The following NRXN1 variants were observed in gnomAD, a reference collection of about 807,000 sequenced individuals.
NRXN1 encodes neurexin 1.
NRXN1 carries 39 observed loss-of-function variants against 150.9 expected under a neutral mutation model. The observed-to-expected ratio is 0.26, with a 90% CI of 0.20 to 0.34. The LOEUF is 0.34. Among genes scored for constraint, NRXN1 ranks in the 10% least tolerant of loss-of-function variants. The pLI is 1.00. For synonymous variants in NRXN1, 924 were observed against 757.0 expected, an observed-to-expected ratio of 1.22 and a Z score of -3.62; for missense variants, 1,815 against 1,949.9, an observed-to-expected ratio of 0.93 and a Z score of 1.30.
chr2:50,192,861 C>T (rs1164707948), intron 18 of NRXN1, among the ~76,000 whole-genome samples: 3 of 152,152 alleles, frequency 2.0e-5, no homozygotes, highest in Non-Finnish European at 2.9e-5. Context: ...CCGCTCCCAT[C>T]GGCAGGCTGG....
chr2:50,600,945 T>TAA (rs1553867702), intron 8 of NRXN1, among the ~76,000 whole-genome samples: 1 of 150,190 alleles, frequency 6.7e-6, no homozygotes, highest in Admixed American at 6.6e-5. Flanking sequence ...ATTTGTGAAT[T>TAA]AAAAAAAAAT....
chr2:49,946,982 C>A (rs1426660479), intron 21 of NRXN1, among the ~76,000 whole-genome samples: 2 of 152,080 alleles, frequency 1.3e-5, no homozygotes, highest in African/African-American at 4.8e-5. Flanking sequence ...GCTTTAAAAG[C>A]AAAGACCCAT....
intron 5 of NRXN1, among the ~76,000 whole-genome samples, chr2:50,672,090 C>T (rs1225893658): frequency 6.6e-6 from 1 of 151,828 alleles, no homozygotes; most frequent in South Asian, 2.1e-4. Context: ...TTAACGATTG[C>T]TAAATTGATT....
Position 50,623,324 on chromosome 2 carries a change from T to C in NRXN1, c.1124A>G (p.Asn375Ser), listed in dbSNP as rs1488145558. 1 of 1,612,284 alleles carries C rather than the reference T, an allele frequency of 6.2e-7. No homozygotes were observed. Among genetic ancestry groups the C allele is most frequent in the Non-Finnish European group, 8.5e-7 (1 of 1,178,770 alleles). ...NAWHDVKVTR[N>S]LRQHSGIGHA... ...CCACTGCGCTGTTACCTGACGCAGA[T>C]TCCTGGTGACTTTCACATCATGCCA... is the stretch of plus-strand genomic sequence containing the variant. Residue 375 changes from asparagine (N) to serine (S), a missense_variant, in exon 6 of 23, where the codon AAT becomes AGT. Around this residue, in one of 6 missense-constraint regions of NRXN1, gnomAD observed 14 missense variants for 48.4 expected, o/e 0.29. Coordinates refer to ENST00000401669, the MANE Select transcript of NRXN1 (RefSeq NM_001330078.2).
intron 17 of NRXN1, among the ~76,000 whole-genome samples, chr2:50,360,024 G>A (rs2079078879): frequency 6.6e-6 from 1 of 152,144 alleles, no homozygotes; most frequent in East Asian, 1.9e-4. Flanking sequence ...ATAAGTGAAG[G>A]AGAAATAAAA....
Position 50,346,441 on chromosome 2 carries a change from C to G in NRXN1, c.3365-109471G>C, listed in dbSNP as rs1053727814. On this transcript the variant is annotated intron_variant, in intron 17 of 22. Transcript: ENST00000401669. The surrounding 1 kb of genome is among the most constrained non-coding windows in gnomAD (Gnocchi z 5.0). ...CCAGGGCTGGTCCTTTAGTAGGTGTCCACATCTCTCTCCCAGTACCTCGAC... is the reference window on the plus strand; with the variant it reads ...CCAGGGCTGGTCCTTTAGTAGGTGTGCACATCTCTCTCCCAGTACCTCGAC... Among the ~76,000 whole-genome samples the G allele has an allele frequency of 1.3e-5, 2 of 152,066 alleles. No homozygotes were observed. The highest frequency in any genetic ancestry group is 6.5e-5 in the Admixed American group (1 of 15,280).
At chr2:49,937,353 T>C (rs1017746637) in intron 22 of NRXN1, among the ~76,000 whole-genome samples, 7 of 152,184 alleles carry the variant, frequency 4.6e-5, no homozygotes, top group African/African-American at 1.4e-4. Flanking sequence ...ACCTCTCCTA[T>C]TGCAATAGCC....
intron 22 of NRXN1, among the ~76,000 whole-genome samples, chr2:49,941,843 A>G (rs1009905053): frequency 2.0e-5 from 3 of 152,156 alleles, no homozygotes; most frequent in African/African-American, 7.2e-5. Context: ...AGAGAAGATG[A>G]GATAGAAAAA....
intron 8 of NRXN1, among the ~76,000 whole-genome samples, chr2:50,563,606 G>T (rs899633440): frequency 2.6e-5 from 4 of 152,106 alleles, no homozygotes; most frequent in African/African-American, 9.7e-5. Context: ...TAGAGGTGAG[G>T]GTACTTGCCT....
chr2:50,971,531 C>T (rs571496285), intron 2 of NRXN1, among the ~76,000 whole-genome samples: 5 of 151,564 alleles, frequency 3.3e-5, no homozygotes, highest in South Asian at 4.2e-4. Flanking sequence ...TGCGGTGAGC[C>T]GAGATTGTGT....
chr2:50,631,186 CAT>C, intron 5 of NRXN1: 1 of 413,844 alleles, frequency 2.4e-6, no homozygotes, highest in Non-Finnish European at 4.8e-6. Context: ...TATTTTTCAA[CAT>C]ATGTAAATTC....
intron 21 of NRXN1, among the ~76,000 whole-genome samples, chr2:49,996,069 G>A (rs1270039113): frequency 2.6e-5 from 4 of 152,040 alleles, no homozygotes; most frequent in Non-Finnish European, 5.9e-5. Flanking sequence ...AATGATAAAT[G>A]AGACACAGAA....
chr2:51,027,024 A>C (rs1271506921), intron 2 of NRXN1, among the ~76,000 whole-genome samples: 1 of 152,154 alleles, frequency 6.6e-6, no homozygotes, highest in Non-Finnish European at 1.5e-5. Flanking sequence ...GGGATTCTCA[A>C]CCACGGCCGT....
At chr2:50,912,413 C>T (rs1684648658) in intron 5 of NRXN1, among the ~76,000 whole-genome samples, 5 of 151,708 alleles carry the variant, frequency 3.3e-5, no homozygotes, top group Admixed American at 3.3e-4. Context: ...AAAAATTATC[C>T]CCTTGCCAAA....
At chr2:50,296,531 TATTATC>T (rs1414146831) in intron 17 of NRXN1, among the ~76,000 whole-genome samples, 1 of 149,784 alleles carries the variant, frequency 6.7e-6, no homozygotes, top group African/African-American at 2.5e-5. Flanking sequence ...TTATTATTAT[TATTATC>T]ATTATTATTA....
intron 5 of NRXN1, among the ~76,000 whole-genome samples, chr2:50,698,210 A>C (rs1693210413): frequency 6.6e-6 from 1 of 152,246 alleles, no homozygotes; most frequent in Non-Finnish European, 1.5e-5. Flanking sequence ...CGTTGACAGT[A>C]TAAGACAGAA....
intron 5 of NRXN1, among the ~76,000 whole-genome samples, chr2:50,874,587 C>A (rs1230825317): frequency 1.3e-5 from 2 of 151,866 alleles, no homozygotes; most frequent in East Asian, 3.9e-4. Context: ...GTATTTTCAT[C>A]TCCAAATGAA....
intron 10 of NRXN1, among the ~76,000 whole-genome samples, chr2:50,535,131 G>A (rs1352134381): frequency 6.6e-6 from 1 of 152,186 alleles, no homozygotes; most frequent in African/African-American, 2.4e-5. Context: ...AAAATGCACA[G>A]GGTTGTAGTC....
chr2:50,443,135 A>C (rs147167867), intron 17 of NRXN1, among the ~76,000 whole-genome samples: 306 of 152,240 alleles, frequency 2.0e-3, no homozygotes, highest in African/African-American at 6.9e-3. Context: ...TAGATGTTTA[A>C]GGTTAGGTCA....
Sources: allele counts gnomAD v4.1 joint callset (sites outside exome capture counted in the v4.1 genomes callset), GRCh38; gene constraint gnomAD v4.1.1; regional missense constraint gnomAD v4.1.1; non-coding constraint Gnocchi (gnomAD v3.1); transcripts MANE v1.5; gene names NCBI Gene and HGNC (gene_info 2026-07-23, HGNC 2026-07-21).